Variants in FAM131B observed in about 807,000 individuals in gnomAD.
The protein encoded by FAM131B is family with sequence similarity 131 member B, also known as protein FAM131B.
FAM131B carries 19 observed loss-of-function variants against 42.0 expected under a neutral mutation model. The observed-to-expected ratio is 0.45, with a 90% CI of 0.32 to 0.66. The LOEUF (loss-of-function observed/expected upper bound fraction) is 0.66, where lower values mean the gene tolerates loss of function less well. FAM131B is among the 30% of genes least tolerant of loss of function. The pLI, the probability that FAM131B is intolerant of heterozygous loss-of-function variation, is 0.05. For synonymous variants in FAM131B, 183 were observed against 177.6 expected (o/e 1.03, Z -0.24); for missense variants, 370 against 468.4 (o/e 0.79, Z 1.94).
At chr7:143,373,524 A>C in the FAM131B span, among the ~76,000 whole-genome samples, 1 of 152,280 alleles carries the variant, frequency 6.6e-6, no homozygotes, top group East Asian at 1.9e-4. Flanking sequence ...GTTCAAAGAG[A>C]TATCTGTTCC....
chr7:143,369,754 A>G, the FAM131B span, among the ~76,000 whole-genome samples: 1 of 152,192 alleles, frequency 6.6e-6, no homozygotes. Flanking sequence ...AAAGAAAAAA[A>G]AAGACCATTG....
At chr7:143,361,219 A>T (rs1290830529) in intron 1 of FAM131B, 1 of 152,014 alleles carries the variant, frequency 6.6e-6, no homozygotes, top group East Asian at 1.9e-4. Flanking sequence ...AGGAGGGAGG[A>T]CCCTCCAAAG....
At chr7:143,372,168 A>G in the FAM131B span, among the ~76,000 whole-genome samples, 1 of 152,328 alleles carries the variant, frequency 6.6e-6, no homozygotes, top group East Asian at 1.9e-4. Flanking sequence ...GCTCACAGCC[A>G]TGGAGTTTAC....
chr7:143,372,125 A>G, the FAM131B span, among the ~76,000 whole-genome samples: 1 of 152,212 alleles, frequency 6.6e-6, no homozygotes, highest in African/African-American at 2.4e-5. Context: ...TGGTATGTTT[A>G]TCAGGACGTA....
chr7:143,359,217 A>AG lies in FAM131B; in HGVS notation c.268+108dup. ...GGCTTGACAGAAGGGTGAATAGGTC[A>AG]GGGGGTGGGGATGAGGGTCTTCATC... On this transcript the variant is annotated intron_variant, in intron 4 of 6. Coordinates refer to ENST00000443739, the MANE Select transcript of FAM131B (RefSeq NM_001031690.3). The surrounding 1 kb of genome is among the most constrained non-coding windows in gnomAD (Gnocchi z 5.4). The AG allele has an allele frequency of 9.7e-7, 1 of 1,028,352 alleles. No homozygotes were observed. Among genetic ancestry groups the AG allele is most frequent in the Non-Finnish European group, 1.5e-6 (1 of 674,292 alleles). The allele number at this position is 1,028,352 out of a possible 1,614,324, so 63.7% of individuals were successfully genotyped here. A position where few individuals can be genotyped will look rare whatever the true frequency, so the allele number is the denominator to read the frequency against.
intron 1 of FAM131B, 149 bp from the exon 2 acceptor site, chr7:143,360,298 TA>T (rs1471732519): frequency 2.5e-5 from 36 of 1,455,642 alleles, no homozygotes; most frequent in Non-Finnish European, 3.2e-5. Context: ...GGGAGACAAG[TA>T]GTAATGCTGA....
At chr7:143,361,760 C>T (rs1404120014) in intron 1 of FAM131B, 1 of 152,036 alleles carries the variant, frequency 6.6e-6, no homozygotes, top group African/African-American at 2.4e-5. Flanking sequence ...CCTCTCTTCC[C>T]TCCCCGCGTC....
rs557507164 is a variant in FAM131B, at chr7:143,356,508, G to A, written c.*42C>T. 1.4e-6 allele frequency: 2 copies of A among 1,442,756 alleles called. No individual in the cohort carries two copies. The highest frequency in any genetic ancestry group is 2.3e-5 in the East Asian group (1 of 43,986). 89.4% of individuals were successfully genotyped at this position (1,442,756 alleles called of 1,614,324 possible). A position where few individuals can be genotyped will look rare whatever the true frequency, so the allele number is the denominator to read the frequency against. On this transcript the variant is annotated 3_prime_UTR_variant, in exon 7 of 7. Transcript: ENST00000443739. The surrounding 1 kb of genome is among the most constrained non-coding windows in gnomAD (Gnocchi z 4.4). ...AGGGAGGGTATGGGTCACAGCCATG[G>A]CCCTCAGGTGGGAGTGGAAGGCAGG... is the stretch of plus-strand genomic sequence containing the variant.
chr7:143,381,810 G>A, the FAM131B span: 5 of 1,502,208 alleles, frequency 3.3e-6, no homozygotes, highest in African/African-American at 2.8e-5. Flanking sequence ...AATGTACCCC[G>A]GCAGGAGCCG....
chr7:143,358,933 C>T lies in FAM131B; in HGVS notation c.360G>A (p.Gly120=). The T allele has an allele frequency of 6.2e-7, 1 of 1,613,778 alleles. No homozygotes were observed. ...GTTGTGGCTGAACAGCTGGTGTCTT[C>T]CCCCAGCCCTGCCACTCAATCATGT... ...VAHMIEWQGW[G]KTPAVQPQHS... is the part of the protein sequence containing the mutation. Residue 120 remains glycine, a synonymous_variant, in exon 5 of 7, where the codon GGG becomes GGA. Transcript: ENST00000443739. This position sits in a 1 kb window ranked among gnomAD's most constrained non-coding sequence, Gnocchi z 4.7.
In FAM131B at chr7:143,359,696, G is replaced by A. The variant is rs755162793; in HGVS notation, c.174+36C>T. The A allele has an allele frequency of 3.3e-5, 52 of 1,552,870 alleles. No individual in the cohort carries two copies. Among genetic ancestry groups the A allele is most frequent in the Non-Finnish European group, 4.3e-5 (49 of 1,144,232 alleles). On this transcript the variant is annotated intron_variant, in intron 3 of 6. Transcript: ENST00000443739. This position sits in a 1 kb window ranked among gnomAD's most constrained non-coding sequence, Gnocchi z 5.4. The stretch of plus-strand genomic sequence containing the variant: ...GGGAGAAGATGAGGAGGAGGAGTTC[G>A]GGAGGATGGGGAGGTCTGGGGGCAG...
Position 143,359,710 on chromosome 7 carries a change from G to T in FAM131B, c.174+22C>A. The stretch of plus-strand genomic sequence containing the variant: ...AGGAGGAGTTCGGGAGGATGGGGAG[G>T]TCTGGGGGCAGCTGCACTCACGTTG... On this transcript the variant is annotated intron_variant, in intron 3 of 6. Transcript: ENST00000443739. The surrounding 1 kb of genome is among the most constrained non-coding windows in gnomAD (Gnocchi z 5.4). 1.3e-6 allele frequency: 2 copies of T among 1,564,652 alleles called. No individual in the cohort carries two copies. The highest frequency in any genetic ancestry group is 1.7e-6 in the Non-Finnish European group (2 of 1,153,122).
chr7:143,361,949 C>T (rs1247746205), intron 1 of FAM131B: 1 of 706,738 alleles, frequency 1.4e-6, no homozygotes, highest in Non-Finnish European at 1.7e-6. Context: ...TCCACCCGGC[C>T]CTGGCCCTGT....
Position 143,358,814 on chromosome 7 carries a change from A to G in FAM131B, c.466+13T>C, listed in dbSNP as rs1173372300. On this transcript the variant is annotated intron_variant, in intron 5 of 6. Transcript: ENST00000443739. The surrounding 1 kb of genome is among the most constrained non-coding windows in gnomAD (Gnocchi z 4.7). ...CTGCAAATGTGTCTCTTGAGGCTTT[A>G]GGGTACCTGTACCTGCTAGAAAACG... The G allele has an allele frequency of 1.2e-6, 2 of 1,612,362 alleles. No individual in the cohort carries two copies. The highest frequency in any genetic ancestry group is 1.7e-6 in the Non-Finnish European group (2 of 1,178,982).
chr7:143,356,458 C>T lies in FAM131B; in HGVS notation c.*92G>A. ...CCTGGGTTCCCCAATGTTGTCTGCCCAGTTTCAGCTGTACTGCTGGGGGGA... is the reference window on the plus strand; with the variant it reads ...CCTGGGTTCCCCAATGTTGTCTGCCTAGTTTCAGCTGTACTGCTGGGGGGA... On this transcript the variant is annotated 3_prime_UTR_variant, in exon 7 of 7. Coordinates refer to ENST00000443739, the MANE Select transcript of FAM131B (RefSeq NM_001031690.3). This position sits in a 1 kb window ranked among gnomAD's most constrained non-coding sequence, Gnocchi z 4.4. 1 of 938,172 alleles carries T rather than the reference C, an allele frequency of 1.1e-6. No homozygotes were observed. The highest frequency in any genetic ancestry group is 1.7e-6 in the Non-Finnish European group (1 of 605,098). 58.1% of individuals were successfully genotyped at this position (938,172 alleles called of 1,614,324 possible).
chr7:143,380,541 G>A, the FAM131B span: 1 of 985,472 alleles, frequency 1.0e-6, no homozygotes, highest in Non-Finnish European at 1.2e-6. This position sits in a 1 kb window ranked among gnomAD's most constrained non-coding sequence, Gnocchi z 5.0. Context: ...GCAGGCGGCC[G>A]CCGCCTCGGC....
chr7:143,380,348 C>T, the FAM131B span: 2 of 985,142 alleles, frequency 2.0e-6, no homozygotes, highest in Non-Finnish European at 2.4e-6. This position sits in a 1 kb window ranked among gnomAD's most constrained non-coding sequence, Gnocchi z 5.0. Context: ...CTCCACCAAG[C>T]GCAGTCTCAG....
chr7:143,362,511 G>T lies in FAM131B; in HGVS notation c.28+65C>A. 1 of 712,128 alleles carries T rather than the reference G, an allele frequency of 1.4e-6. No individual in the cohort carries two copies. The highest frequency in any genetic ancestry group is 6.9e-5 in the South Asian group (1 of 14,484). 44.1% of individuals were successfully genotyped at this position (712,128 alleles called of 1,614,324 possible). A position where few individuals can be genotyped will look rare whatever the true frequency, so the allele number is the denominator to read the frequency against. Reference sequence around the variant, plus strand: ...CGCCCGGAGGCGCGAGGAGAGGGATGGGGGAGGGGGTCGGAGGGCGGCCCG... The same window carrying T: ...CGCCCGGAGGCGCGAGGAGAGGGATTGGGGAGGGGGTCGGAGGGCGGCCCG... On this transcript the variant is annotated intron_variant, in intron 1 of 6. Coordinates refer to ENST00000443739, the MANE Select transcript of FAM131B (RefSeq NM_001031690.3). This position sits in a 1 kb window ranked among gnomAD's most constrained non-coding sequence, Gnocchi z 7.7.
chr7:143,356,178 G>T lies in FAM131B; in HGVS notation c.*372C>A. 4.3e-6 allele frequency: 1 copy of T among 231,082 alleles called. No individual in the cohort carries two copies. The highest frequency in any genetic ancestry group is 8.5e-6 in the Non-Finnish European group (1 of 117,072). The allele number at this position is 231,082 out of a possible 1,614,324, so 14.3% of individuals were successfully genotyped here. A position where few individuals can be genotyped will look rare whatever the true frequency, so the allele number is the denominator to read the frequency against. The stretch of plus-strand genomic sequence containing the variant: ...GACAGCAGAGTTACAGCTCCTGGAA[G>T]ACGAAATCGGGGCGTGAAGAACTGA... On this transcript the variant is annotated 3_prime_UTR_variant, in exon 7 of 7. Transcript: ENST00000443739. This position sits in a 1 kb window ranked among gnomAD's most constrained non-coding sequence, Gnocchi z 4.4.
Sources: gnomAD v4.1 joint callset for allele counts (sites outside exome capture counted in the v4.1 genomes callset) on GRCh38, gnomAD v4.1.1 for gene constraint, Gnocchi (gnomAD v3.1) non-coding constraint, MANE v1.5 for transcripts, NCBI Gene and HGNC (gene_info 2026-07-23, HGNC 2026-07-21) for gene names.